Variants in SCAF8 observed in about 807,000 individuals in gnomAD.
SCAF8 encodes the protein SR-related and CTD-associated factor 8.
In SCAF8, 23 loss-of-function variants were observed where a neutral mutation model predicts 140.5. The ratio of observed to expected loss-of-function variants is 0.16; its 90% CI spans 0.12 to 0.23. The LOEUF is 0.23. Among genes scored for constraint, SCAF8 ranks in the 10% least tolerant of loss-of-function variants. The probability of loss-of-function intolerance (pLI) is 1.00; values close to 1 mark genes in which losing one functional copy is unlikely to be tolerated. For missense variants in SCAF8, 1,397 were observed against 1,555.7 expected (o/e 0.90, Z 1.72); for synonymous variants, 575 against 528.9 (o/e 1.09, Z -1.20).
chr6:154,759,774 T>C (rs1398653017), intron 1 of SCAF8, among the ~76,000 whole-genome samples: 1 of 151,520 alleles, frequency 6.6e-6, no homozygotes, highest in East Asian at 2.0e-4. Context: ...CACGCCATTC[T>C]CCTGCCTCAG....
At chr6:154,809,062 T>G (rs991624356) in intron 11 of SCAF8, among the ~76,000 whole-genome samples, 9 of 152,294 alleles carry the variant, frequency 5.9e-5, no homozygotes, top group Admixed American at 2.0e-4. Context: ...TAGTTAATAT[T>G]ATGATGACAC....
At chr6:154,801,922 C>T (rs1777782529) in intron 6 of SCAF8, 49 bp from the exon 7 acceptor site, 1 of 1,396,276 alleles carries the variant, frequency 7.2e-7, no homozygotes, top group South Asian at 1.5e-5. Flanking sequence ...GCCACTCTTA[C>T]AGAAAAAACC....
At chr6:154,743,507 T>C (rs1778624064) in intron 1 of SCAF8, among the ~76,000 whole-genome samples, 1 of 152,176 alleles carries the variant, frequency 6.6e-6, no homozygotes, top group African/African-American at 2.4e-5. Context: ...AAAGCAAACT[T>C]TTTTAAGTAC....
chr6:154,778,628 G>A (rs1458626099), intron 3 of SCAF8, among the ~76,000 whole-genome samples: 1 of 152,050 alleles, frequency 6.6e-6, no homozygotes, highest in African/African-American at 2.4e-5. Context: ...AGCTGACCTG[G>A]TAGTGCATGC....
intron 1 of SCAF8, among the ~76,000 whole-genome samples, chr6:154,767,443 C>T (rs1583016547): frequency 6.6e-6 from 1 of 150,446 alleles, no homozygotes; most frequent in African/African-American, 2.4e-5. Context: ...GATACTCATT[C>T]TCCTCAACGA....
At chr6:154,824,669 A>G (rs1778512026) in intron 17 of SCAF8, among the ~76,000 whole-genome samples, 1 of 152,178 alleles carries the variant, frequency 6.6e-6, no homozygotes, top group African/African-American at 2.4e-5. Flanking sequence ...ATGGCCGGGC[A>G]TGGTGGCTCA....
intron 1 of SCAF8, chr6:154,741,850 G>T: frequency 1.5e-6 from 1 of 686,414 alleles, no homozygotes; most frequent in East Asian, 2.8e-5. Flanking sequence ...GTGAAAGAAT[G>T]TAATCAACCT....
In SCAF8 at chr6:154,733,610, G is replaced by T; in HGVS notation, c.-291G>T. On this transcript the variant is annotated 5_prime_UTR_variant, in exon 1 of 20. Coordinates refer to ENST00000367178, the MANE Select transcript of SCAF8 (RefSeq NM_014892.5). ...CGGAGCGGGGCAGAGAAGAGAAGGC[G>T]CCGCGGCCCAGCCCCTCCCCCGCCC... 1 of 1,290,540 alleles carries T rather than the reference G, an allele frequency of 7.7e-7. No homozygotes were observed. The highest frequency in any genetic ancestry group is 9.8e-7 in the Non-Finnish European group (1 of 1,022,900). 79.9% of individuals were successfully genotyped at this position (1,290,540 alleles called of 1,614,324 possible).
At chr6:154,764,657 T>C (rs1330438287) in intron 1 of SCAF8, among the ~76,000 whole-genome samples, 1 of 152,066 alleles carries the variant, frequency 6.6e-6, no homozygotes, top group East Asian at 1.9e-4. Flanking sequence ...AGTAGACTGA[T>C]AAGATGGAAA....
At chr6:154,747,478 T>C (rs1778729358) in intron 1 of SCAF8, among the ~76,000 whole-genome samples, 1 of 152,036 alleles carries the variant, frequency 6.6e-6, no homozygotes, top group Admixed American at 6.6e-5. Context: ...GCCACTTTAC[T>C]CCAGCCTGGG....
Position 154,733,899 on chromosome 6 carries a change from A to T in SCAF8, c.-2A>T. On this transcript the variant is annotated 5_prime_UTR_variant, in exon 1 of 20. Transcript: ENST00000367178. ...CGGGCTCGGGGCCTCCGCAGCGACAACATGGAGGCCGTGAAGACCTTCAAT... is the reference window on the plus strand; with the variant it reads ...CGGGCTCGGGGCCTCCGCAGCGACATCATGGAGGCCGTGAAGACCTTCAAT... The T allele has an allele frequency of 6.5e-7, 1 of 1,544,120 alleles. No homozygotes were observed. The highest frequency in any genetic ancestry group is 2.7e-5 in the East Asian group (1 of 37,284).
At chr6:154,800,496 A>G (rs1450570035) in intron 6 of SCAF8, among the ~76,000 whole-genome samples, 1 of 151,580 alleles carries the variant, frequency 6.6e-6, no homozygotes, top group Non-Finnish European at 1.5e-5. Context: ...GGGCTCAGAA[A>G]TAAAAGGTTT....
chr6:154,767,150 A>G (rs187372421), intron 1 of SCAF8, among the ~76,000 whole-genome samples: 1 of 152,300 alleles, frequency 6.6e-6, no homozygotes, highest in African/African-American at 2.4e-5. Flanking sequence ...TCCAAAAAAA[A>G]GCATTTTTCT....
chr6:154,777,514 G>C (rs1439451002), intron 2 of SCAF8, among the ~76,000 whole-genome samples: 7 of 152,132 alleles, frequency 4.6e-5, no homozygotes, highest in Admixed American at 4.6e-4. Context: ...TCCAGGAGAA[G>C]CAGAAGGAGA....
chr6:154,804,891 A>G (rs1049078763), intron 8 of SCAF8, among the ~76,000 whole-genome samples: 1 of 152,110 alleles, frequency 6.6e-6, no homozygotes, highest in Non-Finnish European at 1.5e-5. Flanking sequence ...CATACCTAAT[A>G]ATGTATATGA....
chr6:154,818,553 C>G lies in SCAF8; in HGVS notation c.1596C>G (p.Leu532=). ...ATGCATTTCGAGCTCTTCAGAAACT[C>G]AGTTCTGGATCATATAAAATTGGGT... is the stretch of plus-strand genomic sequence containing the variant. ...RQDAFRALQK[L]SSGSYKIGSK... The change falls in exon 14 of 20, where the codon CTC becomes CTG. Residue 532 remains leucine (L), a synonymous_variant. Coordinates refer to ENST00000367178, the MANE Select transcript of SCAF8 (RefSeq NM_014892.5). The G allele has an allele frequency of 6.2e-7, 1 of 1,607,608 alleles. No homozygotes were observed. Among genetic ancestry groups the G allele is most frequent in the Non-Finnish European group, 8.5e-7 (1 of 1,176,574 alleles).
In SCAF8 at chr6:154,832,205, A is replaced by G. The variant is rs1486202464; in HGVS notation, c.2626A>G (p.Ile876Val). The change falls in exon 20 of 20, where the codon ATA becomes GTA. Residue 876 changes from isoleucine to valine, a missense_variant. By Grantham distance (29) the Ile-to-Val change is conservative. Transcript: ENST00000367178. ...SGLLGVLPPN[I>V]PNNSGLVGVQ... is the part of the protein sequence containing the mutation. ...ACTTTTGGGAGTGCTACCCCCAAAT[A>G]TACCTAACAATTCTGGACTTGTAGG... 3.1e-6 allele frequency: 5 copies of G among 1,614,048 alleles called. No individual in the cohort carries two copies. Among genetic ancestry groups the G allele is most frequent in the Admixed American group, 1.7e-5 (1 of 59,996 alleles).
At chr6:154,735,962 T>C (rs989113411) in intron 1 of SCAF8, among the ~76,000 whole-genome samples, 12 of 151,306 alleles carry the variant, frequency 7.9e-5, no homozygotes, top group African/African-American at 2.9e-4. Flanking sequence ...CCCAAGTAGG[T>C]GAGATTACAG....
chr6:154,784,713 C>T (rs1777201221), intron 3 of SCAF8, among the ~76,000 whole-genome samples: 3 of 152,312 alleles, frequency 2.0e-5, no homozygotes, highest in South Asian at 2.1e-4. Flanking sequence ...TATGCAAATA[C>T]TGCCCATTTT....
Sources: allele counts gnomAD v4.1 joint callset (sites outside exome capture counted in the v4.1 genomes callset), GRCh38; gene constraint gnomAD v4.1.1; transcripts MANE v1.5; gene names NCBI Gene and HGNC (gene_info 2026-07-23, HGNC 2026-07-21).